The following SEZ6L variants were observed in gnomAD, a reference collection of about 807,000 sequenced individuals.
SEZ6L encodes seizure related 6 homolog like.
SEZ6L carries 37 observed loss-of-function variants against 106.2 expected under a neutral mutation model. The observed-to-expected ratio is 0.35, with a 90% CI of 0.27 to 0.46. The LOEUF is 0.46. SEZ6L is among the 20% of genes least tolerant of loss of function. The pLI is 1.00. For missense variants in SEZ6L, 1,172 were observed against 1,332.8 expected, an observed-to-expected ratio of 0.88 and a Z score of 1.88; for synonymous variants, 541 against 570.4, an observed-to-expected ratio of 0.95 and a Z score of 0.73.
intron 1 of SEZ6L, among the ~76,000 whole-genome samples, chr22:26,209,547 G>A (rs2078084019): frequency 6.6e-6 from 1 of 151,452 alleles, no homozygotes; most frequent in Admixed American, 6.6e-5. Flanking sequence ...AGTCAAGGAA[G>A]GAGGGAGGGA....
intron 1 of SEZ6L, among the ~76,000 whole-genome samples, chr22:26,287,434 G>A: frequency 6.6e-6 from 1 of 152,114 alleles, no homozygotes; most frequent in Non-Finnish European, 1.5e-5. Context: ...AGCACCGACT[G>A]TACGTGATAA....
intron 1 of SEZ6L, among the ~76,000 whole-genome samples, chr22:26,205,891 G>A (rs1941246554): frequency 6.6e-6 from 1 of 151,904 alleles, no homozygotes; most frequent in South Asian, 2.1e-4. Context: ...ACGCTGTCCA[G>A]GCCACCATTC....
rs560124897 is a variant in SEZ6L, at chr22:26,363,553, T to C, written c.2600-1819T>C. 1.5e-4 allele frequency among the ~76,000 whole-genome samples: 23 copies of C among 152,346 alleles called. 1 individual carries two copies. The South Asian group carries it at 4.8e-3, about 32-fold the overall frequency. On this transcript the variant is annotated intron_variant, in intron 12 of 16. Coordinates refer to ENST00000248933, the MANE Select transcript of SEZ6L (RefSeq NM_021115.5). ...AAAGATTCTGAAGTTATGATGATGA[T>C]AAGACAGAGTTCCAAGGACAGAATT...
intron 1 of SEZ6L, among the ~76,000 whole-genome samples, chr22:26,250,194 G>A (rs752446942): frequency 6.6e-6 from 1 of 151,770 alleles, no homozygotes; most frequent in Non-Finnish European, 1.5e-5. Context: ...GTCTATTTTT[G>A]CTTTTGTTGA....
intron 6 of SEZ6L, among the ~76,000 whole-genome samples, chr22:26,308,719 C>T (rs529837657): frequency 1.3e-5 from 2 of 152,138 alleles, no homozygotes; most frequent in African/African-American, 4.8e-5. Flanking sequence ...TCCATTTGAC[C>T]ATAGACTATT....
intron 12 of SEZ6L, among the ~76,000 whole-genome samples, chr22:26,354,662 G>T (rs553122840): frequency 6.6e-6 from 1 of 152,318 alleles, no homozygotes; most frequent in Admixed American, 6.5e-5. Context: ...CTGAAAGGTG[G>T]AGGCATCATT....
chr22:26,348,002 T>TA (rs2083067464), intron 11 of SEZ6L, 89 bp downstream of exon 11: 3 of 1,053,130 alleles, frequency 2.8e-6, no homozygotes, highest in Non-Finnish European at 4.0e-6. Flanking sequence ...TGGAGCTGTT[T>TA]AATGTAGAAT....
intron 9 of SEZ6L, among the ~76,000 whole-genome samples, chr22:26,317,689 G>A (rs978238281): frequency 2.2e-4 from 34 of 152,134 alleles, no homozygotes; most frequent in Non-Finnish European, 8.8e-5. Context: ...CCAAAGCCAA[G>A]CCACTGGCAT....
At chr22:26,372,810 G>A (rs671067) in intron 13 of SEZ6L, among the ~76,000 whole-genome samples, 22,132 of 152,160 alleles carry the variant, frequency 0.15, 2,046 homozygotes, top group Non-Finnish European at 0.21. Flanking sequence ...GGGATACAAA[G>A]CCTCATCAAT....
chr22:26,293,963 T>A (rs917051714), intron 2 of SEZ6L, among the ~76,000 whole-genome samples: 2 of 152,178 alleles, frequency 1.3e-5, no homozygotes, highest in Non-Finnish European at 2.9e-5. Flanking sequence ...AAATCCTGCT[T>A]GCTGTTTGAG....
chr22:26,302,289 A>G (rs939719430), intron 5 of SEZ6L, among the ~76,000 whole-genome samples: 18 of 152,198 alleles, frequency 1.2e-4, no homozygotes, highest in African/African-American at 4.1e-4. Flanking sequence ...TCACTTTAAC[A>G]TGGCCCTTGG....
At chr22:26,269,042 C>T (rs923930475) in intron 1 of SEZ6L, among the ~76,000 whole-genome samples, 4 of 152,174 alleles carry the variant, frequency 2.6e-5, no homozygotes, top group African/African-American at 9.7e-5. Context: ...ATGGATGTGA[C>T]TGTGCACTTG....
Position 26,338,684 on chromosome 22 carries a change from C to T in SEZ6L, c.2016-1752C>T, listed in dbSNP as rs560591116. On this transcript the variant is annotated intron_variant, in intron 9 of 16. Coordinates refer to ENST00000248933, the MANE Select transcript of SEZ6L (RefSeq NM_021115.5). ...AAGCAATTCTCCTGCCTCAGCCTCCCGAGTAGCTGGAACTACAGGCATCTG... is the reference window on the plus strand; with the variant it reads ...AAGCAATTCTCCTGCCTCAGCCTCCTGAGTAGCTGGAACTACAGGCATCTG... Among the ~76,000 whole-genome samples, 6 of 152,108 alleles carry T rather than the reference C, an allele frequency of 3.9e-5. No individual in the cohort carries two copies. The South Asian group carries it at 1.0e-3, about 26-fold the overall frequency.
rs1173915006 is a variant in SEZ6L at position 26,311,827 on chromosome 22, G to C, written c.1741G>C (p.Asp581His). 1 of 1,613,986 alleles carries C rather than the reference G, an allele frequency of 6.2e-7. No homozygotes were observed. Among genetic ancestry groups the C allele is most frequent in the Non-Finnish European group, 8.5e-7 (1 of 1,180,030 alleles). ...YIQNGNFTTS[D>H]PTYNIGTIVE... ...CCAGAATGGGAACTTCACTACATCC[G>C]ACCCGACCTATAACATTGGGACTAT... is the stretch of plus-strand genomic sequence containing the variant. The change falls in exon 8 of 17, where the codon GAC becomes CAC. Residue 581 changes from aspartate (D) to histidine (H), a missense_variant. By Grantham distance (81) the Asp-to-His change is moderately conservative. Around this residue, in one of 4 missense-constraint regions of SEZ6L, gnomAD observed 534 missense variants for 691.0 expected, o/e 0.77. Transcript: ENST00000248933.
chr22:26,298,928 G>C, intron 4 of SEZ6L, 56 bp from the exon 5 acceptor site: 9 of 1,486,282 alleles, frequency 6.1e-6, no homozygotes, highest in Non-Finnish European at 8.1e-6. Flanking sequence ...TGTGGGTCAG[G>C]TTCTTGATCT....
chr22:26,169,784 G>A (rs539060156), intron 1 of SEZ6L, 21 bp downstream of exon 1: 1 of 1,204,268 alleles, frequency 8.3e-7, no homozygotes, highest in South Asian at 3.6e-5. Flanking sequence ...CGAGGGGCGG[G>A]GCGGGCAGGG....
intron 1 of SEZ6L, among the ~76,000 whole-genome samples, chr22:26,282,039 T>C (rs769274493): frequency 6.6e-6 from 1 of 152,234 alleles, no homozygotes; most frequent in Non-Finnish European, 1.5e-5. Context: ...CTGCTACAAA[T>C]GGGGCCGCAT....
At chr22:26,183,773 G>T (rs754790700) in intron 1 of SEZ6L, among the ~76,000 whole-genome samples, 1 of 152,192 alleles carries the variant, frequency 6.6e-6, no homozygotes, top group African/African-American at 2.4e-5. Flanking sequence ...AGCTGAGCAT[G>T]TGTATAGATA....
chr22:26,229,852 G>T (rs1306555033), intron 1 of SEZ6L, among the ~76,000 whole-genome samples: 1 of 152,214 alleles, frequency 6.6e-6, no homozygotes, highest in Non-Finnish European at 1.5e-5. Context: ...CCAGGTGCAG[G>T]TGTTAACAAA....
Sources: allele counts gnomAD v4.1 joint callset (sites outside exome capture counted in the v4.1 genomes callset), GRCh38; gene constraint gnomAD v4.1.1; regional missense constraint gnomAD v4.1.1; transcripts MANE v1.5; gene names NCBI Gene and HGNC (gene_info 2026-07-23, HGNC 2026-07-21).